Variants in RAB8B observed in about 807,000 individuals in gnomAD.
RAB8B encodes RAB8B, member RAS oncogene family.
Under a neutral mutation model 32.0 loss-of-function variants are expected in RAB8B, and 11 were observed. The ratio of observed to expected loss-of-function variants is 0.34; its 90% CI spans 0.22 to 0.57. RAB8B has a LOEUF of 0.57. RAB8B is among the 20% of genes least tolerant of loss of function. RAB8B has a pLI of 0.86. For missense variants in RAB8B, 190 were observed against 258.5 expected (o/e 0.73, Z 1.82); for synonymous variants, 103 against 89.6 (o/e 1.15, Z -0.85).
intron 1 of RAB8B, among the ~76,000 whole-genome samples, chr15:63,233,445 G>C (rs971107037): frequency 6.6e-6 from 1 of 151,944 alleles, no homozygotes; most frequent in African/African-American, 2.4e-5. Context: ...ATATTTTAAA[G>C]CTTCAGTTTA....
chr15:63,250,798 G>A (rs1408396674), intron 3 of RAB8B, among the ~76,000 whole-genome samples: 2 of 149,900 alleles, frequency 1.3e-5, no homozygotes, highest in Non-Finnish European at 3.0e-5. Flanking sequence ...AGTCTTTGAA[G>A]GTTGAACAAC....
At chr15:63,251,135 C>A (rs913650084) in intron 3 of RAB8B, 15 of 390,150 alleles carry the variant, frequency 3.8e-5, no homozygotes, top group Non-Finnish European at 7.0e-5. Context: ...ACACTCCACC[C>A]TATAATACTT....
intron 1 of RAB8B, among the ~76,000 whole-genome samples, chr15:63,209,833 G>A (rs1310670115): frequency 6.6e-6 from 1 of 151,782 alleles, no homozygotes; most frequent in Admixed American, 6.6e-5. Context: ...CATGTGCCAT[G>A]GTGGTTTGCT....
At chr15:63,208,658 C>T (rs2037719492) in intron 1 of RAB8B, among the ~76,000 whole-genome samples, 1 of 152,156 alleles carries the variant, frequency 6.6e-6, no homozygotes, top group Admixed American at 6.5e-5. Context: ...TCCAAGAACA[C>T]ACCTCATTTC....
At chr15:63,260,097 T>C (rs1209015617) in intron 6 of RAB8B, among the ~76,000 whole-genome samples, 1 of 152,212 alleles carries the variant, frequency 6.6e-6, no homozygotes, top group African/African-American at 2.4e-5. Context: ...CCTCCCAAAG[T>C]GCTGGAATTA....
At chr15:63,229,160 C>G (rs2037912649) in intron 1 of RAB8B, among the ~76,000 whole-genome samples, 2 of 152,132 alleles carry the variant, frequency 1.3e-5, no homozygotes, top group African/African-American at 2.4e-5. Context: ...AGACACAAAG[C>G]CTTCAGTGGC....
chr15:63,196,397 G>A (rs995917377), intron 1 of RAB8B, among the ~76,000 whole-genome samples: 4 of 152,336 alleles, frequency 2.6e-5, no homozygotes, highest in Non-Finnish European at 4.4e-5. Flanking sequence ...GCATTATGGA[G>A]ATAGCATGTT....
intron 1 of RAB8B, among the ~76,000 whole-genome samples, chr15:63,223,280 T>C (rs937941142): frequency 2.0e-5 from 3 of 151,912 alleles, no homozygotes; most frequent in African/African-American, 7.3e-5. Context: ...CCCGGCTAAT[T>C]TTTGTATTTT....
intron 1 of RAB8B, among the ~76,000 whole-genome samples, chr15:63,216,373 C>T (rs1007146046): frequency 6.6e-5 from 10 of 151,276 alleles, no homozygotes; most frequent in Admixed American, 2.6e-4. Flanking sequence ...GGACTACAGG[C>T]GCACACCATA....
intron 1 of RAB8B, among the ~76,000 whole-genome samples, chr15:63,242,081 A>G (rs573870645): frequency 1.6e-4 from 24 of 151,046 alleles, no homozygotes; most frequent in Non-Finnish European, 1.3e-4. Flanking sequence ...TCTTAATGGC[A>G]ATTACTTTTG....
intron 1 of RAB8B, among the ~76,000 whole-genome samples, chr15:63,193,032 G>A (rs1203206088): frequency 1.3e-5 from 2 of 152,050 alleles, no homozygotes; most frequent in East Asian, 3.8e-4. Flanking sequence ...ACACCAGTCT[G>A]GGCAACATAG....
rs113065211 is a variant in RAB8B at position 63,256,797 on chromosome 15, C to G, written c.414+203C>G. 2.7e-3 allele frequency among the ~76,000 whole-genome samples: 407 copies of G among 152,268 alleles called. 3 individuals carry two copies. The highest frequency in any genetic ancestry group is 8.1e-3 in the African/African-American group (337 of 41,532). Reference sequence around the variant, plus strand: ...AGCTCTCTATACTGTGTGGTCATGACTCATTCCTAAAGAATTTGCTAATGT... The same window carrying G: ...AGCTCTCTATACTGTGTGGTCATGAGTCATTCCTAAAGAATTTGCTAATGT... On this transcript the variant is annotated intron_variant, in intron 5 of 7. Coordinates refer to ENST00000321437, the MANE Select transcript of RAB8B (RefSeq NM_016530.3).
chr15:63,214,184 G>A (rs907692971), intron 1 of RAB8B, among the ~76,000 whole-genome samples: 1 of 151,952 alleles, frequency 6.6e-6, no homozygotes, highest in Admixed American at 6.6e-5. Flanking sequence ...AGGTATTACA[G>A]TGTGGGAGGT....
At chr15:63,257,311 G>C (rs1052317632) in intron 5 of RAB8B, among the ~76,000 whole-genome samples, 2 of 150,672 alleles carry the variant, frequency 1.3e-5, no homozygotes, top group East Asian at 1.9e-4. Context: ...CCAGGCTGGA[G>C]TGCAGTGGCG....
At chr15:63,192,400 C>A (rs1027696081) in intron 1 of RAB8B, among the ~76,000 whole-genome samples, 1 of 152,192 alleles carries the variant, frequency 6.6e-6, no homozygotes, top group South Asian at 2.1e-4. Context: ...CCCAGGTGAT[C>A]TGAAGTTACT....
At position 63,202,949 on chromosome 15, in the gene RAB8B, G is replaced by A. The variant is rs567769383; in HGVS notation, c.124+13201G>A. 1.2e-4 allele frequency among the ~76,000 whole-genome samples: 18 copies of A among 152,334 alleles called. No homozygotes were observed. The South Asian group carries it at 3.5e-3, about 30-fold the overall frequency. On this transcript the variant is annotated intron_variant, in intron 1 of 7. Coordinates refer to ENST00000321437, the MANE Select transcript of RAB8B (RefSeq NM_016530.3). ...CTAAAACGCATGAGCTTGCCTCATAGGGAAGTCTCTGAGCCCTCTCTTAGC... is the reference window on the plus strand; with the variant it reads ...CTAAAACGCATGAGCTTGCCTCATAAGGAAGTCTCTGAGCCCTCTCTTAGC...
At chr15:63,227,468 C>T (rs374768356) in intron 1 of RAB8B, among the ~76,000 whole-genome samples, 3 of 152,160 alleles carry the variant, frequency 2.0e-5, no homozygotes, top group South Asian at 2.1e-4. Context: ...GTGCTGCAAA[C>T]GTACTTTTGG....
chr15:63,222,958 A>G (rs2037856962), intron 1 of RAB8B: 1 of 422,834 alleles, frequency 2.4e-6, no homozygotes, highest in Non-Finnish European at 4.7e-6. Flanking sequence ...GCTTAGGTGT[A>G]TAGTGTTTAT....
chr15:63,195,826 G>A (rs975005738), intron 1 of RAB8B, among the ~76,000 whole-genome samples: 67 of 152,296 alleles, frequency 4.4e-4, no homozygotes, highest in African/African-American at 1.6e-3. Context: ...TTTAGGTGGC[G>A]AGTAATGTGG....
Sources: allele counts gnomAD v4.1 joint callset (sites outside exome capture counted in the v4.1 genomes callset), GRCh38; gene constraint gnomAD v4.1.1; transcripts MANE v1.5; gene names NCBI Gene and HGNC (gene_info 2026-07-23, HGNC 2026-07-21).